The following CAMTA1 variants were observed in gnomAD, a reference collection of about 807,000 sequenced individuals.
CAMTA1 encodes the protein calmodulin binding transcription activator 1.
A neutral mutation model predicts 170.9 loss-of-function variants in CAMTA1; 27 were observed. That is an observed-to-expected ratio of 0.16 (90% CI 0.12 to 0.22). The LOEUF is 0.22. Ranked by LOEUF, CAMTA1 falls within the 10% of genes least tolerant of loss-of-function variation. The pLI is 1.00. For synonymous variants in CAMTA1, 833 were observed against 891.5 expected (o/e 0.93, Z 1.17); for missense variants, 1,619 against 2,217.2 (o/e 0.73, Z 5.42).
Position 7,010,181 on chromosome 1 carries a change from T to C in CAMTA1, c.235-81123T>C, listed in dbSNP as rs1159298180. ...GCAGGACACTGCTGCGAGGAGGGCT[T>C]CCTGGAGCTTGGGGAAGCTTCAGTC... is the stretch of plus-strand genomic sequence containing the variant. On this transcript the variant is annotated intron_variant, in intron 3 of 22. Coordinates refer to ENST00000303635, the MANE Select transcript of CAMTA1 (RefSeq NM_015215.4). The surrounding 1 kb of genome is among the most constrained non-coding windows in gnomAD (Gnocchi z 4.4). Among the ~76,000 whole-genome samples, 1 of 152,192 alleles carries C rather than the reference T, an allele frequency of 6.6e-6. No individual in the cohort carries two copies. Among genetic ancestry groups the C allele is most frequent in the Non-Finnish European group, 1.5e-5 (1 of 68,038 alleles).
At chr1:7,030,936 G>A (rs368711537) in intron 3 of CAMTA1, among the ~76,000 whole-genome samples, 3 of 150,808 alleles carry the variant, frequency 2.0e-5, no homozygotes, top group East Asian at 3.9e-4. Flanking sequence ...CCGGGTTCAC[G>A]CCATTCTCCT....
intron 3 of CAMTA1, among the ~76,000 whole-genome samples, chr1:7,073,968 A>C (rs907427580): frequency 2.6e-5 from 4 of 152,228 alleles, no homozygotes; most frequent in Non-Finnish European, 4.4e-5. Context: ...AGGAAGATTA[A>C]ATGAGATGTT....
intron 6 of CAMTA1, among the ~76,000 whole-genome samples, chr1:7,631,492 G>A (rs563162907): frequency 4.7e-4 from 72 of 152,314 alleles, no homozygotes; most frequent in African/African-American, 1.7e-3. Flanking sequence ...ACTTGAATGT[G>A]GAGCCCGAGA....
intron 6 of CAMTA1, among the ~76,000 whole-genome samples, chr1:7,489,876 C>G (rs566981913): frequency 6.6e-6 from 1 of 152,142 alleles, no homozygotes; most frequent in Non-Finnish European, 1.5e-5. Context: ...TGTCTGGCCC[C>G]GAGCAGACGG....
intron 3 of CAMTA1, among the ~76,000 whole-genome samples, chr1:6,942,681 A>G (rs1686847100): frequency 6.6e-6 from 1 of 152,014 alleles, no homozygotes; most frequent in Non-Finnish European, 1.5e-5. Context: ...AAATAAAACC[A>G]AAACAAACCA....
rs371721839 is a variant in CAMTA1 at position 7,673,967 on chromosome 1, C to T, written c.2779+2930C>T. Among the ~76,000 whole-genome samples, 15 of 152,238 alleles carry T rather than the reference C, an allele frequency of 9.9e-5. No individual in the cohort carries two copies. The highest frequency in any genetic ancestry group is 3.4e-4 in the African/African-American group (14 of 41,554). ...GCAGTGCGCAAATGAATCACTGCTC[C>T]GGAGATGACGCTGGCTGCTTGGGGA... On this transcript the variant is annotated intron_variant, in intron 10 of 22. Transcript: ENST00000303635. This position sits in a 1 kb window ranked among gnomAD's most constrained non-coding sequence, Gnocchi z 4.6.
intron 6 of CAMTA1, among the ~76,000 whole-genome samples, chr1:7,586,011 T>C (rs1357998151): frequency 6.6e-6 from 1 of 151,970 alleles, no homozygotes; most frequent in East Asian, 1.9e-4. Flanking sequence ...ATCCCCAAGA[T>C]TGTGGGAAAA....
chr1:7,544,912 C>T (rs1004118970), intron 6 of CAMTA1, among the ~76,000 whole-genome samples: 4 of 152,140 alleles, frequency 2.6e-5, no homozygotes, highest in East Asian at 1.9e-4. Flanking sequence ...ATTACCCCTT[C>T]GGGAGAGAAC....
At chr1:6,994,727 G>A (rs752456413) in intron 3 of CAMTA1, among the ~76,000 whole-genome samples, 4 of 151,974 alleles carry the variant, frequency 2.6e-5, no homozygotes, top group Non-Finnish European at 4.4e-5. Flanking sequence ...GAGTTCAGTG[G>A]CACAATCTCG....
chr1:6,841,988 C>A (rs1182643940), intron 3 of CAMTA1, among the ~76,000 whole-genome samples: 2 of 152,076 alleles, frequency 1.3e-5, no homozygotes, highest in Non-Finnish European at 2.9e-5. Flanking sequence ...GCCCTTTCTT[C>A]CTGGGGAGCC....
At position 7,531,253 on chromosome 1, in the gene CAMTA1, T is replaced by G. The variant is rs2094489765; in HGVS notation, c.510+63352T>G. Among the ~76,000 whole-genome samples, 3 of 152,166 alleles carry G rather than the reference T, an allele frequency of 2.0e-5. No individual in the cohort carries two copies. The South Asian group carries it at 6.2e-4, about 32-fold the overall frequency. ...GCAAAGAGTGACCTAAGAGTCACTT[T>G]TCCTGCCTTGTTGTCACTGTGCCTC... On this transcript the variant is annotated intron_variant, in intron 6 of 22. Transcript: ENST00000303635.
chr1:7,204,990 G>A (rs1050568369), intron 4 of CAMTA1, among the ~76,000 whole-genome samples: 6 of 151,262 alleles, frequency 4.0e-5, no homozygotes, highest in East Asian at 1.9e-4. Context: ...GACCACGCCC[G>A]GCTAATTTTT....
At chr1:6,862,027 A>G (rs911866121) in intron 3 of CAMTA1, among the ~76,000 whole-genome samples, 2 of 151,382 alleles carry the variant, frequency 1.3e-5, no homozygotes, top group South Asian at 2.1e-4. Context: ...CAGTGGTGCA[A>G]TCTTGGCTCA....
chr1:6,839,035 G>C (rs1265426424), intron 3 of CAMTA1, among the ~76,000 whole-genome samples: 3 of 151,994 alleles, frequency 2.0e-5, no homozygotes, highest in Non-Finnish European at 2.9e-5. Context: ...GGGATTACAG[G>C]TGTGAGCCAT....
At chr1:6,958,382 C>T (rs776080512) in intron 3 of CAMTA1, among the ~76,000 whole-genome samples, 1 of 152,180 alleles carries the variant, frequency 6.6e-6, no homozygotes, top group African/African-American at 2.4e-5. Flanking sequence ...ATCCGCAGCC[C>T]CGGACCCCCT....
chr1:7,373,540 T>C (rs938718667), intron 5 of CAMTA1, among the ~76,000 whole-genome samples: 1 of 152,138 alleles, frequency 6.6e-6, no homozygotes, highest in African/African-American at 2.4e-5. Context: ...CGGGGGAAGG[T>C]TGCACTCAGA....
intron 11 of CAMTA1, among the ~76,000 whole-genome samples, chr1:7,720,280 C>T (rs1372235765): frequency 6.6e-6 from 1 of 152,208 alleles, no homozygotes; most frequent in Non-Finnish European, 1.5e-5. Flanking sequence ...CCACTCCTTT[C>T]ATTGAGGGGC....
chr1:7,080,845 A>G (rs1173987008), intron 3 of CAMTA1, among the ~76,000 whole-genome samples: 1 of 152,252 alleles, frequency 6.6e-6, no homozygotes, highest in Admixed American at 6.5e-5. Context: ...CTTTCTAGCT[A>G]GTAGAAGGGT....
chr1:7,268,927 T>G (rs554177805), intron 5 of CAMTA1, among the ~76,000 whole-genome samples: 1 of 152,194 alleles, frequency 6.6e-6, no homozygotes, highest in African/African-American at 2.4e-5. Flanking sequence ...AAGAACAGAG[T>G]GAGGTGAGAA....
Sources: allele counts gnomAD v4.1 joint callset (sites outside exome capture counted in the v4.1 genomes callset), GRCh38; gene constraint gnomAD v4.1.1; non-coding constraint Gnocchi (gnomAD v3.1); transcripts MANE v1.5; gene names NCBI Gene and HGNC (gene_info 2026-07-23, HGNC 2026-07-21).